The following MEIKIN variants were observed in gnomAD, a reference collection of about 807,000 sequenced individuals.
The protein encoded by MEIKIN is meiosis-specific kinetochore protein.
intron 5 of MEIKIN, among the ~76,000 whole-genome samples, chr5:131,924,061 T>C (rs1433797747): frequency 1.3e-5 from 2 of 152,122 alleles, no homozygotes; most frequent in Non-Finnish European, 1.5e-5. Context: ...AGATAACTCA[T>C]ATAAGTGGAA....
chr5:131,912,170 G>T (rs886537725), intron 7 of MEIKIN, among the ~76,000 whole-genome samples: 1 of 152,036 alleles, frequency 6.6e-6, no homozygotes, highest in Non-Finnish European at 1.5e-5. Flanking sequence ...TCACACTTGG[G>T]TGGCCTTTGG....
chr5:131,933,067 CT>C (rs1296901295), intron 5 of MEIKIN, among the ~76,000 whole-genome samples: 1 of 152,198 alleles, frequency 6.6e-6, no homozygotes, highest in Admixed American at 6.5e-5. Flanking sequence ...TGTATTTGAT[CT>C]GCCATCATTA....
At chr5:131,840,316 G>A (rs1203336053) in intron 11 of MEIKIN, among the ~76,000 whole-genome samples, 1 of 152,082 alleles carries the variant, frequency 6.6e-6, no homozygotes, top group Non-Finnish European at 1.5e-5. Flanking sequence ...TTCAACCTTG[G>A]AGAATCTGAT....
chr5:131,935,267 C>CAAAAAAA (rs749135114), intron 4 of MEIKIN, among the ~76,000 whole-genome samples: 13 of 36,598 alleles, frequency 3.6e-4, no homozygotes, highest in African/African-American at 4.8e-4. Flanking sequence ...CCCGTCTCTA[C>CAAAAAAA]AAAAAAAAAA....
rs1462763094 is a variant in MEIKIN at position 131,911,838 on chromosome 5, T to G, written c.680A>C (p.Lys227Thr). The change falls in exon 8 of 13, where the codon AAG (lysine) becomes ACG (threonine). Residue 227 changes from lysine to threonine, a missense_variant. Coordinates refer to ENST00000442687, the MANE Select transcript of MEIKIN (RefSeq NM_001303622.2). Reference sequence around the variant, plus strand: ...ACCTGATTCTGAATTTGAAGCACACTTTGCTTTTGGAGAAACATTTTGATC... The same window carrying G: ...ACCTGATTCTGAATTTGAAGCACACGTTGCTTTTGGAGAAACATTTTGATC... ...VADQNVSPKA[K>T]CASNSESDNA... 1.0e-5 allele frequency: 4 copies of G among 397,664 alleles called. No homozygotes were observed. Among genetic ancestry groups the G allele is most frequent in the Admixed American group, 8.8e-5 (2 of 22,658 alleles). 24.6% of individuals were successfully genotyped at this position (397,664 alleles called of 1,614,324 possible).
chr5:131,885,377 G>GAGAGAGAGAGAGAA (rs1750772116), intron 8 of MEIKIN, among the ~76,000 whole-genome samples: 1 of 76,742 alleles, frequency 1.3e-5, no homozygotes, highest in African/African-American at 5.1e-5. Context: ...GAGAGAGAGA[G>GAGAGAGAGAGAGAA]AGAGAGAGAG....
intron 7 of MEIKIN, among the ~76,000 whole-genome samples, chr5:131,914,667 T>A (rs1056950152): frequency 4.0e-5 from 6 of 151,728 alleles, no homozygotes; most frequent in African/African-American, 1.5e-4. Context: ...GTTTCAGGTA[T>A]TTTGTAATAA....
intron 5 of MEIKIN, among the ~76,000 whole-genome samples, chr5:131,926,001 C>G (rs927656507): frequency 1.3e-5 from 2 of 152,254 alleles, no homozygotes; most frequent in East Asian, 3.9e-4. Flanking sequence ...CATATAAGAT[C>G]ATGTCATCTG....
chr5:131,930,250 T>C (rs1030770266), intron 5 of MEIKIN, among the ~76,000 whole-genome samples: 3 of 152,236 alleles, frequency 2.0e-5, no homozygotes, highest in African/African-American at 7.2e-5. Context: ...TATCTCATTG[T>C]GGTTTTGATT....
chr5:131,828,807 T>C (rs1053556954), intron 11 of MEIKIN, among the ~76,000 whole-genome samples: 7 of 152,170 alleles, frequency 4.6e-5, no homozygotes, highest in African/African-American at 1.4e-4. Context: ...GAAAAACAAA[T>C]ATATGTTAAA....
chr5:131,898,244 C>G (rs1420899830), intron 8 of MEIKIN, among the ~76,000 whole-genome samples: 1 of 152,228 alleles, frequency 6.6e-6, no homozygotes, highest in Non-Finnish European at 1.5e-5. Context: ...TGCTGCAAAA[C>G]AGCAAATATT....
At position 131,822,207 on chromosome 5, in the gene MEIKIN, T is replaced by C. The variant is rs1387205338; in HGVS notation, c.976-3344A>G. Among the ~76,000 whole-genome samples, 3 of 152,184 alleles carry C rather than the reference T, an allele frequency of 2.0e-5. No homozygotes were observed. In the East Asian group the frequency reaches 5.8e-4, roughly 29 times the overall value. On this transcript the variant is annotated intron_variant, in intron 11 of 12. Coordinates refer to ENST00000442687, the MANE Select transcript of MEIKIN (RefSeq NM_001303622.2). ...AAGTGTGCTTCCTGTAGGCAACAGATCATTGGGTCTTGTTTTCTTTTTTTT... is the reference window on the plus strand; with the variant it reads ...AAGTGTGCTTCCTGTAGGCAACAGACCATTGGGTCTTGTTTTCTTTTTTTT...
At chr5:131,850,747 T>G (rs1050604997) in intron 11 of MEIKIN, among the ~76,000 whole-genome samples, 12 of 152,080 alleles carry the variant, frequency 7.9e-5, no homozygotes, top group African/African-American at 2.7e-4. Context: ...GGCAATAGCC[T>G]GGGCACCATA....
intron 11 of MEIKIN, among the ~76,000 whole-genome samples, chr5:131,839,832 C>T (rs959310208): frequency 6.6e-6 from 1 of 152,134 alleles, no homozygotes; most frequent in African/African-American, 2.4e-5. Context: ...TTAATTGAGG[C>T]AGTTAATCTG....
chr5:131,825,803 G>A (rs1349420829), intron 11 of MEIKIN, among the ~76,000 whole-genome samples: 1 of 152,146 alleles, frequency 6.6e-6, no homozygotes, highest in Non-Finnish European at 1.5e-5. Flanking sequence ...AAGGACCTTG[G>A]GAATGTGCAA....
intron 9 of MEIKIN, among the ~76,000 whole-genome samples, chr5:131,873,156 T>C (rs936867115): frequency 1.3e-5 from 2 of 152,106 alleles, no homozygotes; most frequent in Non-Finnish European, 2.9e-5. Flanking sequence ...CAATATTAAC[T>C]TTGAATGTAA....
chr5:131,857,119 T>A (rs1417005590), intron 9 of MEIKIN, among the ~76,000 whole-genome samples: 1 of 152,100 alleles, frequency 6.6e-6, no homozygotes, highest in Non-Finnish European at 1.5e-5. Flanking sequence ...GACTTTTAGA[T>A]AATGAGAGTT....
intron 8 of MEIKIN, among the ~76,000 whole-genome samples, chr5:131,910,642 C>T (rs1751319161): frequency 6.6e-6 from 1 of 151,906 alleles, no homozygotes; most frequent in African/African-American, 2.4e-5. Context: ...ACCCTACTTA[C>T]CCTGATGTGA....
intron 8 of MEIKIN, among the ~76,000 whole-genome samples, chr5:131,887,444 T>G (rs1750818817): frequency 6.6e-6 from 1 of 152,194 alleles, no homozygotes; most frequent in African/African-American, 2.4e-5. Context: ...TGAACTAATT[T>G]ACACTCCCAC....
Sources: allele counts gnomAD v4.1 joint callset (sites outside exome capture counted in the v4.1 genomes callset), GRCh38; gene constraint gnomAD v4.1.1; transcripts MANE v1.5; gene names NCBI Gene and HGNC (gene_info 2026-07-23, HGNC 2026-07-21).